FAM120A: variants seen among roughly 807,000 people sequenced by gnomAD.
The protein encoded by FAM120A is family with sequence similarity 120 member A.
Under a neutral mutation model 109.7 loss-of-function variants are expected in FAM120A, and 15 were observed. The ratio of observed to expected loss-of-function variants is 0.14; its 90% CI spans 0.09 to 0.21. The LOEUF (loss-of-function observed/expected upper bound fraction) is 0.21, where lower values mean the gene tolerates loss of function less well. Among genes scored for constraint, FAM120A ranks in the 10% least tolerant of loss-of-function variants. The pLI is 1.00. For synonymous variants in FAM120A, 493 were observed against 572.8 expected, an observed-to-expected ratio of 0.86 and a Z score of 1.99; for missense variants, 899 against 1,439.3, an observed-to-expected ratio of 0.62 and a Z score of 6.07.
chr9:93,558,791 T>G (rs972683282), intron 15 of FAM120A, 73 bp downstream of exon 15: 2 of 1,548,666 alleles, frequency 1.3e-6, no homozygotes, highest in African/African-American at 2.7e-5. Context: ...GGCGCCTTCC[T>G]TCCTCTACTG....
At chr9:93,536,685 T>G (rs1861529988) in intron 10 of FAM120A, among the ~76,000 whole-genome samples, 2 of 152,206 alleles carry the variant, frequency 1.3e-5, no homozygotes. Context: ...AAACTTTCAT[T>G]TTTATAGTCA....
At chr9:93,511,980 C>T (rs191035666) in intron 5 of FAM120A, among the ~76,000 whole-genome samples, 8 of 152,240 alleles carry the variant, frequency 5.3e-5, no homozygotes, top group Admixed American at 2.6e-4. Flanking sequence ...TTAGTAGAGA[C>T]GGGCTTTCGC....
chr9:93,557,933 C>T lies in FAM120A; in HGVS notation c.2591C>T (p.Pro864Leu). The T allele has an allele frequency of 6.2e-7, 1 of 1,609,384 alleles. No individual in the cohort carries two copies. The highest frequency in any genetic ancestry group is 8.5e-7 in the Non-Finnish European group (1 of 1,179,902). Residue 864 changes from proline to leucine, a missense_variant, in exon 14 of 18, where the codon CCC becomes CTC. By Grantham distance (98) the Pro-to-Leu change is moderately conservative. Around this residue, in one of 11 missense-constraint regions of FAM120A, gnomAD observed 129 missense variants for 153.4 expected, o/e 0.84. Transcript: ENST00000277165. ...TLPFPPPPAL[P>L]FYPASAYPRH... The stretch of plus-strand genomic sequence containing the variant: ...CCTTTCCCGCCGCCACCTGCCCTGC[C>T]CTTCTACCCTGCCTCTGCGTACCCC...
At chr9:93,510,802 G>A (rs1379102217) in intron 5 of FAM120A, among the ~76,000 whole-genome samples, 1 of 151,802 alleles carries the variant, frequency 6.6e-6, no homozygotes, top group Non-Finnish European at 1.5e-5. Flanking sequence ...TGCTCAGTCA[G>A]TACAAGTATT....
intron 3 of FAM120A, among the ~76,000 whole-genome samples, chr9:93,489,650 T>C (rs1859227227): frequency 6.6e-6 from 1 of 152,244 alleles, no homozygotes; most frequent in Non-Finnish European, 1.5e-5. Context: ...TTAGCATTAT[T>C]TGTGATTAAT....
chr9:93,495,135 G>A (rs2131341209), intron 3 of FAM120A, among the ~76,000 whole-genome samples: 1 of 152,330 alleles, frequency 6.6e-6, no homozygotes, highest in South Asian at 2.1e-4. Flanking sequence ...CTCCGTGGCT[G>A]CCAAGGGTTT....
intron 11 of FAM120A, among the ~76,000 whole-genome samples, chr9:93,544,723 C>T (rs1861821711): frequency 6.6e-6 from 1 of 152,210 alleles, no homozygotes; most frequent in Non-Finnish European, 1.5e-5. Flanking sequence ...GGCTTGTTGT[C>T]CCAACAGTGT....
At chr9:93,465,923 A>G (rs573677252) in intron 1 of FAM120A, among the ~76,000 whole-genome samples, 6 of 152,060 alleles carry the variant, frequency 3.9e-5, no homozygotes, top group Middle Eastern at 3.4e-3. Flanking sequence ...AATGTCCCCG[A>G]TTTGGGTTTG....
Position 93,557,012 on chromosome 9 carries a change from T to TA in FAM120A, c.2484+421_2484+422insA. 1.3e-5 allele frequency among the ~76,000 whole-genome samples: 2 copies of TA among 152,176 alleles called. 1 individual carries two copies. Among genetic ancestry groups the TA allele is most frequent in the South Asian group, 4.1e-4 (2 of 4,836 alleles). On this transcript the variant is annotated intron_variant, in intron 13 of 17. Transcript: ENST00000277165. ...ATTATTGAACTCACAGCCAGTAGCT[T>TA]CTGTAACACGTATATTCTCTGTAAG... is the stretch of plus-strand genomic sequence containing the variant.
chr9:93,562,527 C>T (rs1488456925), intron 17 of FAM120A, among the ~76,000 whole-genome samples: 9 of 152,200 alleles, frequency 5.9e-5, no homozygotes, highest in Non-Finnish European at 1.3e-4. Flanking sequence ...TTGTCTCTCC[C>T]CTTTGCCATG....
In FAM120A at chr9:93,452,845, C is replaced by T. The variant is rs907785075; in HGVS notation, c.474+456C>T. ...ATACAGAGTAATAGAGGGGGTTTCGCCAGAGCCCTTGGGGGCTGCAAATAT... is the reference window on the plus strand; with the variant it reads ...ATACAGAGTAATAGAGGGGGTTTCGTCAGAGCCCTTGGGGGCTGCAAATAT... On this transcript the variant is annotated intron_variant, in intron 1 of 17. Coordinates refer to ENST00000277165, the MANE Select transcript of FAM120A (RefSeq NM_014612.5). The surrounding 1 kb of genome is among the most constrained non-coding windows in gnomAD (Gnocchi z 7.0). 2.4e-5 allele frequency: 37 copies of T among 1,513,488 alleles called. No homozygotes were observed. The highest frequency in any genetic ancestry group is 3.2e-5 in the Non-Finnish European group (36 of 1,139,642). 93.8% of individuals were successfully genotyped at this position (1,513,488 alleles called of 1,614,324 possible).
intron 10 of FAM120A, among the ~76,000 whole-genome samples, chr9:93,542,013 A>T (rs1438888723): frequency 6.6e-6 from 1 of 152,266 alleles, no homozygotes; most frequent in East Asian, 1.9e-4. Context: ...TAATACATTT[A>T]ACTCTGTCCT....
chr9:93,535,653 G>C (rs1214388476), intron 10 of FAM120A, among the ~76,000 whole-genome samples: 1 of 152,122 alleles, frequency 6.6e-6, no homozygotes, highest in Non-Finnish European at 1.5e-5. Flanking sequence ...TGATAAAATT[G>C]AACTTGTTTC....
intron 5 of FAM120A, among the ~76,000 whole-genome samples, chr9:93,511,491 G>A (rs1860320844): frequency 1.3e-5 from 2 of 152,190 alleles, no homozygotes; most frequent in South Asian, 2.1e-4. Flanking sequence ...CAGACGCCGC[G>A]CCCTCCCACT....
chr9:93,506,093 A>G (rs1322437460), intron 5 of FAM120A, among the ~76,000 whole-genome samples: 3 of 152,204 alleles, frequency 2.0e-5, no homozygotes, highest in African/African-American at 7.2e-5. Flanking sequence ...ATAGCCTTGT[A>G]ATAATACTTG....
intron 1 of FAM120A, chr9:93,453,529 C>G: frequency 1.0e-6 from 1 of 985,442 alleles, no homozygotes; most frequent in Non-Finnish European, 1.2e-6. Flanking sequence ...TTGTGAAATT[C>G]TGTCTTCGCG....
chr9:93,481,157 G>T (rs548538174), intron 3 of FAM120A, among the ~76,000 whole-genome samples: 1 of 152,368 alleles, frequency 6.6e-6, no homozygotes, highest in South Asian at 2.1e-4. Flanking sequence ...ATCAGAGGCG[G>T]CCTGCGGCTG....
chr9:93,471,479 G>A (rs1858312083), intron 2 of FAM120A, 92 bp downstream of exon 2: 2 of 1,499,072 alleles, frequency 1.3e-6, no homozygotes, highest in Admixed American at 3.6e-5. Flanking sequence ...GAATGTTTTG[G>A]ATATGTATCA....
intron 5 of FAM120A, among the ~76,000 whole-genome samples, chr9:93,513,471 G>C (rs1274821992): frequency 1.3e-5 from 2 of 152,204 alleles, no homozygotes; most frequent in Non-Finnish European, 2.9e-5. Flanking sequence ...TTGTGTGCAC[G>C]TGTGTCTATG....
Sources: gnomAD v4.1 joint callset for allele counts (sites outside exome capture counted in the v4.1 genomes callset) on GRCh38, gnomAD v4.1.1 for gene constraint, gnomAD v4.1.1 regional missense constraint, Gnocchi (gnomAD v3.1) non-coding constraint, MANE v1.5 for transcripts, NCBI Gene and HGNC (gene_info 2026-07-23, HGNC 2026-07-21) for gene names.